Variants in MGAM observed in about 807,000 individuals in gnomAD.
MGAM encodes the protein alpha-1,4-glucosidase.
A neutral mutation model predicts 358.8 loss-of-function variants in MGAM; 253 were observed. That is an observed-to-expected ratio of 0.71 (90% CI 0.64 to 0.78). The LOEUF (loss-of-function observed/expected upper bound fraction) is 0.78. Ranked by LOEUF, MGAM falls within the 30% of genes least tolerant of loss-of-function variation. The pLI, the probability that MGAM is intolerant of heterozygous loss-of-function variation, is 0.00. For synonymous variants in MGAM, 1,105 were observed against 1,227.1 expected (o/e 0.90, Z 2.08); for missense variants, 3,080 against 3,432.6 (o/e 0.90, Z 2.57).
intron 22 of MGAM, among the ~76,000 whole-genome samples, chr7:142,048,163 A>G (rs1000997756): frequency 4.9e-4 from 65 of 133,428 alleles, no homozygotes; most frequent in African/African-American, 1.8e-3. Context: ...TTATTTATTT[A>G]TTTATTGAGG....
intron 3 of MGAM, among the ~76,000 whole-genome samples, chr7:142,009,676 T>C (rs1216233431): frequency 3.3e-5 from 5 of 152,198 alleles, no homozygotes; most frequent in African/African-American, 1.2e-4. Flanking sequence ...ATGTCATATC[T>C]AACTGAATTA....
chr7:142,044,335 AATAT>A (rs548988095), intron 21 of MGAM, among the ~76,000 whole-genome samples: 1 of 140,392 alleles, frequency 7.1e-6, no homozygotes, highest in Admixed American at 7.8e-5. Flanking sequence ...TATAATATAT[AATAT>A]ATATATAATA....
At position 142,085,934 on chromosome 7, in the gene MGAM, T is replaced by C. The variant is rs1195716465; in HGVS notation, c.6609T>C (p.Ala2203=). Residue 2203 remains alanine (A), a synonymous_variant, in exon 55 of 71, where the codon GCT becomes GCC. Coordinates refer to ENST00000475668, the MANE Select transcript of MGAM (RefSeq NM_001365693.1). ...CAGCTCTGATCAATCGCATGAAGGC[T>C]GATGGGATGCGGGTCATCCTCATTC... is the stretch of plus-strand genomic sequence containing the variant. The part of the protein sequence containing the change: ...GFPALINRMK[A]DGMRVILILD... 2 of 1,566,092 alleles carry C rather than the reference T, an allele frequency of 1.3e-6. No homozygotes were observed. The highest frequency in any genetic ancestry group is 1.3e-5 in the African/African-American group (1 of 74,560).
chr7:142,095,689 C>A lies in MGAM; in HGVS notation c.7583C>A (p.Thr2528Asn), dbSNP rs1275671832. 4 of 1,614,042 alleles carry A rather than the reference C, an allele frequency of 2.5e-6. No individual in the cohort carries two copies. The highest frequency in any genetic ancestry group is 3.4e-6 in the Non-Finnish European group (4 of 1,179,892). The change falls in exon 64 of 71, where the codon ACT (threonine) becomes AAT (asparagine). Residue 2528 changes from threonine to asparagine, a missense_variant. Physicochemically the swap from Thr to Asn is moderately conservative, Grantham distance 65 (BLOSUM62 0). Coordinates refer to ENST00000475668, the MANE Select transcript of MGAM (RefSeq NM_001365693.1). ...CATAAGGCCCACACGGAGGGCGTCACTGTTGTGCGGCCTCTGCTCCATGAG... is the reference window on the plus strand; with the variant it reads ...CATAAGGCCCACACGGAGGGCGTCAATGTTGTGCGGCCTCTGCTCCATGAG... ...LMHKAHTEGV[T>N]VVRPLLHEFV...
chr7:142,047,021 C>CT (rs1810468205), intron 21 of MGAM, among the ~76,000 whole-genome samples: 1 of 152,108 alleles, frequency 6.6e-6, no homozygotes, highest in Admixed American at 6.6e-5. Context: ...TAAAAACTAA[C>CT]TTTCTTGCAT....
rs865847599 is a variant in MGAM, at chr7:142,042,038, C to A, written c.2498+1192C>A. On this transcript the variant is annotated intron_variant, in intron 21 of 70. Transcript: ENST00000475668. ...TAATATATATATATTATATTATATA[C>A]ATATAATATATAATATATATACATA... is the stretch of plus-strand genomic sequence containing the variant. 5.3e-3 allele frequency among the ~76,000 whole-genome samples: 183 copies of A among 34,638 alleles called. 5 individuals are homozygous for A. Among genetic ancestry groups the A allele is most frequent in the African/African-American group, 0.03 (168 of 5,536 alleles). The allele number at this position is 34,638 out of a possible 152,430, so 22.7% of individuals were successfully genotyped here. A position where few individuals can be genotyped will look rare whatever the true frequency, so the allele number is the denominator to read the frequency against.
chr7:142,040,135 A>T lies in MGAM; in HGVS notation c.2337A>T (p.Ala779=), dbSNP rs760283131. 6.2e-7 allele frequency: 1 copy of T among 1,612,564 alleles called. No homozygotes were observed. ...VLDEGAEKVM[A]YVPDAVWYDY... ...TTCAGGGTGCAGAGAAAGTGATGGC[A>T]TATGTGCCTGATGCTGTCTGGTATG... is the stretch of plus-strand genomic sequence containing the variant. Residue 779 remains alanine, a synonymous_variant, in exon 20 of 71, where the codon GCA becomes GCT. Coordinates refer to ENST00000475668, the MANE Select transcript of MGAM (RefSeq NM_001365693.1).
rs558901837 is a variant in MGAM, at chr7:142,065,473, G to A, written c.4618+5G>A. 3.1e-6 allele frequency: 5 copies of A among 1,610,622 alleles called. No homozygotes were observed. The highest frequency in any genetic ancestry group is 2.5e-6 in the Non-Finnish European group (3 of 1,179,202). On this transcript the variant is annotated splice_donor_5th_base_variant and intron_variant, in intron 38 of 70. Transcript: ENST00000475668. ...AGCTGAAGAAGTCTATCATTGGTGC[G>A]TGGGTCCTTCCCCAGGGCCTTTGCC...
At chr7:141,987,353 G>A (rs895898927) in intron 2 of MGAM, among the ~76,000 whole-genome samples, 11 of 152,178 alleles carry the variant, frequency 7.2e-5, no homozygotes, top group African/African-American at 2.4e-4. Context: ...GGACAAACAA[G>A]CATTTTCAGT....
In MGAM at chr7:142,093,441, A is replaced by G; in HGVS notation, c.7063A>G (p.Ser2355Gly). 1 of 1,538,216 alleles carries G rather than the reference A, an allele frequency of 6.5e-7. No homozygotes were observed. The highest frequency in any genetic ancestry group is 8.9e-7 in the Non-Finnish European group (1 of 1,123,378). Residue 2355 changes from serine to glycine, a missense_variant, in exon 60 of 71, where the codon AGC becomes GGC. By Grantham distance (56) the Ser-to-Gly change is moderately conservative. Coordinates refer to ENST00000475668, the MANE Select transcript of MGAM (RefSeq NM_001365693.1). ...YLESRDRGLS[S>G]KTLCMESQQI... is the part of the protein sequence containing the mutation. ...GGAGTCCAGGGACAGGGGCCTGAGC[A>G]GCAAGACCCTGTGCATGGAGAGTCA... is the stretch of plus-strand genomic sequence containing the variant.
Position 142,071,958 on chromosome 7 carries a change from G to A in MGAM, c.5186+840G>A, listed in dbSNP as rs545951087. On this transcript the variant is annotated intron_variant, in intron 44 of 70. Transcript: ENST00000475668. ...GGAGTTCTTTGGAAGCCAGAAACCT[G>A]TCTTTTCTTTTGAACCTCTCTTACT... is the stretch of plus-strand genomic sequence containing the variant. 3.4e-5 allele frequency among the ~76,000 whole-genome samples: 5 copies of A among 146,152 alleles called. 1 individual carries two copies. The highest frequency in any genetic ancestry group is 6.9e-5 in the Admixed American group (1 of 14,486).
intron 50 of MGAM, among the ~76,000 whole-genome samples, chr7:142,081,736 G>A: frequency 6.9e-6 from 1 of 145,506 alleles, no homozygotes; most frequent in East Asian, 2.0e-4. Context: ...TGCGCTGAGG[G>A]GTGCAAGGGT....
chr7:142,078,489 T>C lies in MGAM; in HGVS notation c.5646+19T>C. 6.6e-7 allele frequency: 1 copy of C among 1,526,392 alleles called. No homozygotes were observed. Among genetic ancestry groups the C allele is most frequent in the Non-Finnish European group, 9.0e-7 (1 of 1,116,740 alleles). The allele number at this position is 1,526,392 out of a possible 1,614,324, so 94.6% of individuals were successfully genotyped here. A position where few individuals can be genotyped will look rare whatever the true frequency, so the allele number is the denominator to read the frequency against. On this transcript the variant is annotated intron_variant, in intron 48 of 70. Transcript: ENST00000475668. ...CTGGGAGGTAACCATGCTGATGGGG[T>C]TCATGTGCATGAAAATCTCCACACC... is the stretch of plus-strand genomic sequence containing the variant.
intron 52 of MGAM, among the ~76,000 whole-genome samples, chr7:142,083,008 A>G (rs540687713): frequency 6.8e-6 from 1 of 146,566 alleles, no homozygotes; most frequent in East Asian, 2.0e-4. Context: ...CAATATTCCC[A>G]TGTAACAAAT....
In MGAM at chr7:142,041,996, A is replaced by G. The variant is rs1808775237; in HGVS notation, c.2498+1150A>G. Among the ~76,000 whole-genome samples, 4 of 14,366 alleles carry G rather than the reference A, an allele frequency of 2.8e-4. 1 individual carries two copies. The highest frequency in any genetic ancestry group is 5.2e-4 in the Non-Finnish European group (4 of 7,752). The allele number at this position is 14,366 out of a possible 152,430, so 9.4% of individuals were successfully genotyped here. ...TATATATATATAATATAATATATAT[A>G]TATTATATATATAATATAATATATA... On this transcript the variant is annotated intron_variant, in intron 21 of 70. Transcript: ENST00000475668.
At chr7:141,987,600 G>A (rs1241946414) in intron 2 of MGAM, among the ~76,000 whole-genome samples, 5 of 151,932 alleles carry the variant, frequency 3.3e-5, no homozygotes, top group Non-Finnish European at 5.9e-5. Flanking sequence ...CACAGGGGAG[G>A]GGGGCATGGA....
At chr7:142,021,525 A>C in intron 5 of MGAM, 61 bp from the exon 6 acceptor site, 8 of 1,515,652 alleles carry the variant, frequency 5.3e-6, no homozygotes, top group Non-Finnish European at 7.2e-6. Context: ...CTAAGTAGGG[A>C]TATTGGGAAG....
At chr7:142,044,091 C>G (rs183437020) in intron 21 of MGAM, among the ~76,000 whole-genome samples, 15 of 140,122 alleles carry the variant, frequency 1.1e-4, no homozygotes, top group South Asian at 2.2e-4. Context: ...TATACACATA[C>G]GACGTATAAT....
intron 64 of MGAM, 44 bp downstream of exon 64, chr7:142,095,757 T>G (rs772885035): frequency 1.9e-6 from 3 of 1,606,384 alleles, no homozygotes; most frequent in Non-Finnish European, 2.5e-6. Context: ...GATGACTTAT[T>G]GCATTCTATA....
Sources: gnomAD v4.1 joint callset for allele counts (sites outside exome capture counted in the v4.1 genomes callset) on GRCh38, gnomAD v4.1.1 for gene constraint, MANE v1.5 for transcripts, NCBI Gene and HGNC (gene_info 2026-07-23, HGNC 2026-07-21) for gene names.